EDDM3A: variants seen among roughly 807,000 people sequenced by gnomAD.
EDDM3A encodes epididymal protein 3A.
For missense variants in EDDM3A, 199 were observed against 177.4 expected, an observed-to-expected ratio of 1.12 and a Z score of -0.69; for synonymous variants, 75 against 60.4, an observed-to-expected ratio of 1.24 and a Z score of -1.12.
At chr14:20,738,479 A>AAATAAAT in the EDDM3A span, among the ~76,000 whole-genome samples, 2 of 114,670 alleles carry the variant, frequency 1.7e-5, no homozygotes, top group African/African-American at 6.5e-5. Context: ...CAAAATAAAT[A>AAATAAAT]AATAAATAAA....
At chr14:20,745,835 C>G (rs1025138905), upstream of EDDM3A, 12 of 152,468 alleles carry the variant, frequency 7.9e-5, no homozygotes, top group African/African-American at 2.7e-4. Context: ...CCTCGGCTAC[C>G]AATCAGCTGG....
upstream of EDDM3A, among the ~76,000 whole-genome samples, chr14:20,744,134 C>G (rs1403032349): frequency 2.0e-5 from 3 of 152,188 alleles, no homozygotes; most frequent in African/African-American, 4.8e-5. Context: ...GATTTTCCCT[C>G]AGAATCGCCT....
chr14:20,743,406 C>T (rs541753252), upstream of EDDM3A, among the ~76,000 whole-genome samples: 125 of 152,172 alleles, frequency 8.2e-4, no homozygotes, highest in South Asian at 1.9e-3. Context: ...AAAAATTACC[C>T]GGATGTGTTG....
At chr14:20,743,715 G>A (rs1216536405), upstream of EDDM3A, among the ~76,000 whole-genome samples, 1 of 152,170 alleles carries the variant, frequency 6.6e-6, no homozygotes, top group Admixed American at 6.5e-5. Flanking sequence ...TGTTACACAA[G>A]CTGGTAGACA....
chr14:20,744,050 T>C (rs894644475), upstream of EDDM3A, among the ~76,000 whole-genome samples: 1 of 152,200 alleles, frequency 6.6e-6, no homozygotes, highest in Non-Finnish European at 1.5e-5. Flanking sequence ...GAGTCACTAC[T>C]TGAATTTGTC....
At chr14:20,743,501 G>C (rs1306186579), upstream of EDDM3A, among the ~76,000 whole-genome samples, 1 of 145,526 alleles carries the variant, frequency 6.9e-6, no homozygotes, top group Non-Finnish European at 1.5e-5. Flanking sequence ...AGTGAGCTGA[G>C]ATCATGCCTG....
At chr14:20,742,990 C>T (rs1388552424), upstream of EDDM3A, among the ~76,000 whole-genome samples, 1 of 152,186 alleles carries the variant, frequency 6.6e-6, no homozygotes, top group African/African-American at 2.4e-5. Context: ...CCACTTTGAC[C>T]TTCTCAAGTG....
At chr14:20,738,211 C>G in the EDDM3A span, among the ~76,000 whole-genome samples, 1 of 152,130 alleles carries the variant, frequency 6.6e-6, no homozygotes, top group Non-Finnish European at 1.5e-5. Context: ...TGGTGGCTCA[C>G]GCCTGTAATC....
At position 20,748,342 on chromosome 14, in the gene EDDM3A, A is replaced by T; in HGVS notation, c.*318A>T. The T allele has an allele frequency of 4.5e-6, 1 of 220,726 alleles. No individual in the cohort carries two copies. The highest frequency in any genetic ancestry group is 1.4e-4 in the South Asian group (1 of 6,902). 13.7% of individuals were successfully genotyped at this position (220,726 alleles called of 1,614,324 possible). A position where few individuals can be genotyped will look rare whatever the true frequency, so the allele number is the denominator to read the frequency against. On this transcript the variant is annotated 3_prime_UTR_variant, in exon 2 of 2. Transcript: ENST00000326842. ...TCTTTATACCTACCCAAGCTGAACG[A>T]CCCTCCTTTTCTTAAATAAAATATA...
chr14:20,746,581 T>C (rs1425068587), intron 1 of EDDM3A, among the ~76,000 whole-genome samples: 2 of 152,200 alleles, frequency 1.3e-5, no homozygotes, highest in Admixed American at 1.3e-4. Context: ...TAAACTGATG[T>C]CCTTTTATGA....
Position 20,747,844 on chromosome 14 carries a change from A to G in EDDM3A, c.264A>G (p.Arg88=). 1 of 1,614,186 alleles carries G rather than the reference A, an allele frequency of 6.2e-7. No individual in the cohort carries two copies. The highest frequency in any genetic ancestry group is 8.5e-7 in the Non-Finnish European group (1 of 1,180,032). The change falls in exon 2 of 2, where the codon CGA becomes CGG. Residue 88 remains arginine, a synonymous_variant. Transcript: ENST00000326842. ...GCATCAATGAGAAGGGGAGCGACCG[A>G]TATAGAAATGCATATGTATGGGCCC... ...RACINEKGSD[R]YRNAYVWAPG...
At chr14:20,738,572 T>G in the EDDM3A span, among the ~76,000 whole-genome samples, 1 of 152,224 alleles carries the variant, frequency 6.6e-6, no homozygotes, top group Non-Finnish European at 1.5e-5. Flanking sequence ...TTTTCTCATT[T>G]GATAAATACT....
At chr14:20,744,043 T>C (rs1877512866), upstream of EDDM3A, among the ~76,000 whole-genome samples, 1 of 152,118 alleles carries the variant, frequency 6.6e-6, no homozygotes, top group African/African-American at 2.4e-5. Flanking sequence ...ATTCATTGAG[T>C]CACTACTTGA....
the EDDM3A span, among the ~76,000 whole-genome samples, chr14:20,737,054 C>CTTTTTTCTTTTTTTTTTT: frequency 8.6e-4 from 95 of 109,948 alleles, 3 homozygotes; most frequent in African/African-American, 2.8e-3. Context: ...TTTCTTTTTC[C>CTTTTTTCTTTTTTTTTTT]TTTTTTTTTT....
upstream of EDDM3A, among the ~76,000 whole-genome samples, chr14:20,741,114 A>G (rs893574598): frequency 1.3e-5 from 2 of 152,128 alleles, no homozygotes; most frequent in African/African-American, 2.4e-5. Flanking sequence ...CCATAATCCT[A>G]CCTGGACCAA....
At position 20,747,702 on chromosome 14, in the gene EDDM3A, C is replaced by A. The variant is rs569983344; in HGVS notation, c.122C>A (p.Pro41Gln). 6.2e-7 allele frequency: 1 copy of A among 1,613,972 alleles called. No homozygotes were observed. The highest frequency in any genetic ancestry group is 1.1e-5 in the South Asian group (1 of 91,084). ...REFIKLHYLS[P>Q]SREFKEYKCD... is the part of the protein sequence containing the mutation. The stretch of plus-strand genomic sequence containing the variant: ...TTCATAAAACTTCATTACTTAAGTC[C>A]AAGTCGAGAATTCAAAGAGTACAAA... The change falls in exon 2 of 2, where the codon CCA (proline) becomes CAA (glutamine). Residue 41 changes from proline (P) to glutamine (Q), a missense_variant. Physicochemically the swap from Pro to Gln is moderately conservative, Grantham distance 76. Transcript: ENST00000326842.
At chr14:20,737,110 A>G in the EDDM3A span, among the ~76,000 whole-genome samples, 2 of 147,760 alleles carry the variant, frequency 1.4e-5, no homozygotes. Flanking sequence ...CTGGAGTGCA[A>G]TGGTGCAATC....
chr14:20,741,273 G>T (rs1877427554), upstream of EDDM3A, among the ~76,000 whole-genome samples: 1 of 152,164 alleles, frequency 6.6e-6, no homozygotes, highest in South Asian at 2.1e-4. Flanking sequence ...TGGTCCGAAG[G>T]CCTCAGAAAA....
rs1291336605 is a variant in EDDM3A at position 20,748,265 on chromosome 14, G to C, written c.*241G>C. The C allele has an allele frequency of 2.3e-6, 1 of 429,026 alleles. No individual in the cohort carries two copies. Among genetic ancestry groups the C allele is most frequent in the East Asian group, 4.1e-5 (1 of 24,516 alleles). The allele number at this position is 429,026 out of a possible 1,614,324, so 26.6% of individuals were successfully genotyped here. The stretch of plus-strand genomic sequence containing the variant: ...ACACCCACATTTTTTCCAAGATTCA[G>C]CTCATATGGCATCTGTCCTCGACTA... On this transcript the variant is annotated 3_prime_UTR_variant, in exon 2 of 2. Transcript: ENST00000326842.
Sources: allele counts gnomAD v4.1 joint callset (sites outside exome capture counted in the v4.1 genomes callset), GRCh38; gene constraint gnomAD v4.1.1; transcripts MANE v1.5; gene names NCBI Gene and HGNC (gene_info 2026-07-23, HGNC 2026-07-21).